The following EGFR variants were observed in gnomAD, a reference collection of about 807,000 sequenced individuals.
EGFR encodes epidermal growth factor receptor.
Under a neutral mutation model 143.0 loss-of-function variants are expected in EGFR, and 58 were observed. That is an observed-to-expected ratio of 0.41 (90% confidence interval 0.33 to 0.50). The LOEUF is 0.50. Among genes scored for constraint, EGFR ranks in the 20% least tolerant of loss-of-function variants. EGFR has a pLI of 0.39. For missense variants in EGFR, 1,307 were observed against 1,579.0 expected (o/e 0.83, Z 2.92); for synonymous variants, 613 against 594.4 (o/e 1.03, Z -0.45).
intron 16 of EGFR, among the ~76,000 whole-genome samples, chr7:55,171,702 C>G (rs1473439521): frequency 6.6e-6 from 1 of 152,190 alleles, no homozygotes; most frequent in Non-Finnish European, 1.5e-5. Flanking sequence ...AACATCAGCT[C>G]TGGCCAGTTT....
At chr7:55,171,078 T>C in intron 15 of EGFR, 97 bp from the exon 16 acceptor site, 1 of 1,570,522 alleles carries the variant, frequency 6.4e-7, no homozygotes, top group Non-Finnish European at 8.6e-7. Context: ...AAGAGTAGTT[T>C]AGCATATATT....
chr7:55,202,446 G>A (rs1032170306), intron 26 of EGFR, 71 bp from the exon 27 acceptor site: 16 of 1,285,124 alleles, frequency 1.2e-5, no homozygotes, highest in Non-Finnish European at 1.7e-5. Flanking sequence ...AGGAGATCTC[G>A]GGTGATTTTT....
At chr7:55,181,042 T>C (rs1268522263) in intron 19 of EGFR, 1 of 586,344 alleles carries the variant, frequency 1.7e-6, no homozygotes, top group Non-Finnish European at 3.0e-6. Context: ...TGGCCACTGT[T>C]GCCTGGGCCT....
At chr7:55,175,892 A>G (rs1442643092) in intron 19 of EGFR, among the ~76,000 whole-genome samples, 1 of 152,220 alleles carries the variant, frequency 6.6e-6, no homozygotes, top group Non-Finnish European at 1.5e-5. Context: ...AGTAGGGGAA[A>G]TCCCATGTTG....
rs937065664 is a variant in EGFR, at chr7:55,207,709, C to T, written c.*2092C>T. On this transcript the variant is annotated 3_prime_UTR_variant, in exon 28 of 28. Transcript: ENST00000275493. ...TCCACATAAGGCTGAGGTCAGTCACCCTAAACAACCTGCTCCCTCTAAGCC... is the reference window on the plus strand; with the variant it reads ...TCCACATAAGGCTGAGGTCAGTCACTCTAAACAACCTGCTCCCTCTAAGCC... The T allele has an allele frequency of 2.0e-5, 3 of 152,658 alleles. No individual in the cohort carries two copies. The highest frequency in any genetic ancestry group is 2.0e-4 in the Admixed American group (3 of 15,300). The allele number at this position is 152,658 out of a possible 1,614,324, so 9.5% of individuals were successfully genotyped here.
At chr7:55,157,440 C>A (rs958637730) in intron 10 of EGFR, among the ~76,000 whole-genome samples, 1 of 152,210 alleles carries the variant, frequency 6.6e-6, no homozygotes, top group Non-Finnish European at 1.5e-5. Flanking sequence ...GGGAGACATG[C>A]GGAATCGCAG....
intron 1 of EGFR, among the ~76,000 whole-genome samples, chr7:55,060,564 A>G (rs747763180): frequency 1.1e-4 from 17 of 152,160 alleles, no homozygotes; most frequent in Non-Finnish European, 2.2e-4. Flanking sequence ...TCATGAACCC[A>G]AGATATAATC....
chr7:55,050,371 C>T (rs1788418107), intron 1 of EGFR, among the ~76,000 whole-genome samples: 2 of 152,218 alleles, frequency 1.3e-5, no homozygotes, highest in Non-Finnish European at 1.5e-5. Flanking sequence ...TGGCTTGTTT[C>T]ACTTTCCATA....
At chr7:55,036,809 A>C (rs2128867010) in intron 1 of EGFR, among the ~76,000 whole-genome samples, 1 of 152,350 alleles carries the variant, frequency 6.6e-6, no homozygotes, top group Middle Eastern at 3.4e-3. Context: ...GCTCCATTAC[A>C]CAGATAAAAC....
At chr7:55,041,950 C>A (rs1787920757) in intron 1 of EGFR, among the ~76,000 whole-genome samples, 1 of 152,142 alleles carries the variant, frequency 6.6e-6, no homozygotes, top group South Asian at 2.1e-4. Flanking sequence ...ATAGAAGGAT[C>A]TAAGAATTTT....
At chr7:55,094,924 A>G (rs551933885) in intron 1 of EGFR, among the ~76,000 whole-genome samples, 1 of 152,366 alleles carries the variant, frequency 6.6e-6, no homozygotes, top group South Asian at 2.1e-4. Context: ...GTTAGGCCCC[A>G]GTGCAGCAGC....
At chr7:55,095,647 G>A (rs887422513) in intron 1 of EGFR, among the ~76,000 whole-genome samples, 10 of 151,850 alleles carry the variant, frequency 6.6e-5, no homozygotes, top group South Asian at 2.1e-4. Flanking sequence ...AACACACAGA[G>A]TTACACACAG....
At chr7:55,064,939 GACA>G (rs1213175064) in intron 1 of EGFR, among the ~76,000 whole-genome samples, 2 of 152,114 alleles carry the variant, frequency 1.3e-5, no homozygotes, top group Non-Finnish European at 2.9e-5. Flanking sequence ...TGGTCAAGGT[GACA>G]ACACTGCGTC....
intron 1 of EGFR, among the ~76,000 whole-genome samples, chr7:55,115,263 A>G (rs1158229793): frequency 2.6e-5 from 4 of 152,186 alleles, no homozygotes; most frequent in Non-Finnish European, 5.9e-5. Flanking sequence ...TGAGCCAGGC[A>G]CTCACATAGT....
At chr7:55,181,819 A>G (rs1786893222) in intron 20 of EGFR, 2 of 371,998 alleles carry the variant, frequency 5.4e-6, no homozygotes, top group East Asian at 1.2e-4. Flanking sequence ...TGCTTCCCCC[A>G]TTCAGGACTT....
chr7:55,144,188 G>A (rs1794630342), intron 3 of EGFR, among the ~76,000 whole-genome samples: 1 of 152,136 alleles, frequency 6.6e-6, no homozygotes, highest in South Asian at 2.1e-4. Context: ...GACTTATGAT[G>A]GCATCCTATC....
intron 1 of EGFR, among the ~76,000 whole-genome samples, chr7:55,099,804 C>T (rs1791694381): frequency 6.6e-6 from 1 of 151,788 alleles, no homozygotes; most frequent in South Asian, 2.1e-4. Flanking sequence ...TTTTGCCAAC[C>T]TCTGTGAACA....
intron 1 of EGFR, among the ~76,000 whole-genome samples, chr7:55,047,195 G>T (rs1225349884): frequency 2.0e-5 from 3 of 152,198 alleles, no homozygotes. Flanking sequence ...CTGCAGGCAA[G>T]GTCTGCAGGT....
chr7:55,155,785 C>A (rs1457875593), intron 7 of EGFR, 45 bp from the exon 8 acceptor site: 1 of 1,550,666 alleles, frequency 6.4e-7, no homozygotes, highest in Non-Finnish European at 8.9e-7. Context: ...GGCCCGAGCA[C>A]CTGGTGCCAC....
Sources: allele counts gnomAD v4.1 joint callset (sites outside exome capture counted in the v4.1 genomes callset), GRCh38; gene constraint gnomAD v4.1.1; transcripts MANE v1.5; gene names NCBI Gene and HGNC (gene_info 2026-07-23, HGNC 2026-07-21).